PDE8B: variants seen among roughly 807,000 people sequenced by gnomAD.
The protein encoded by PDE8B is high affinity cAMP-specific and IBMX-insensitive 3',5'-cyclic phosphodiesterase 8B.
A neutral mutation model predicts 101.3 loss-of-function variants in PDE8B; 26 were observed. The observed-to-expected ratio is 0.26, with a 90% CI of 0.19 to 0.36. The LOEUF is 0.36. Among genes scored for constraint, PDE8B ranks in the 10% least tolerant of loss-of-function variants. PDE8B has a pLI of 1.00. For synonymous variants in PDE8B, 424 were observed against 429.3 expected, an observed-to-expected ratio of 0.99 and a Z score of 0.15; for missense variants, 810 against 1,163.1, an observed-to-expected ratio of 0.70 and a Z score of 4.42.
intron 7 of PDE8B, 103 bp from the exon 8 acceptor site, chr5:77,349,316 A>G (rs564081127): frequency 6.8e-7 from 1 of 1,479,688 alleles, no homozygotes; most frequent in Non-Finnish European, 9.4e-7. Context: ...TTCTTGCTTG[A>G]TATTCCTCTG....
At chr5:77,240,912 G>A (rs1449702594) in intron 1 of PDE8B, among the ~76,000 whole-genome samples, 1 of 152,220 alleles carries the variant, frequency 6.6e-6, no homozygotes, top group Non-Finnish European at 1.5e-5. Context: ...TTGCAACTAA[G>A]CAGCGTTTTC....
chr5:77,127,044 G>C, the PDE8B span, among the ~76,000 whole-genome samples: 1 of 152,110 alleles, frequency 6.6e-6, no homozygotes, highest in Non-Finnish European at 1.5e-5. Flanking sequence ...GGTGCTCCCA[G>C]GTCAATAAAT....
Position 77,411,692 on chromosome 5 carries a change from T to G in PDE8B, c.1547T>G (p.Leu516Arg), listed in dbSNP as rs767195927. The G allele has an allele frequency of 6.8e-6, 11 of 1,612,184 alleles. No individual in the cohort carries two copies. The South Asian group carries it at 8.8e-5, about 13-fold the overall frequency. ...TTATTCCAGGACGGCTTGAGAAGAC[T>G]GTCAGGAAACGAGTATGTGTTTACT... ...GGLMTDGLRR[L>R]SGNEYVFTKN... The change falls in exon 15 of 22, where the codon CTG (leucine) becomes CGG (arginine). Residue 516 changes from leucine (L) to arginine (R), a missense_variant. Leu to Arg is a moderately radical substitution (Grantham distance 102). Coordinates refer to ENST00000264917, the MANE Select transcript of PDE8B (RefSeq NM_003719.5).
chr5:77,197,730 C>T, the PDE8B span, among the ~76,000 whole-genome samples: 1 of 152,034 alleles, frequency 6.6e-6, no homozygotes, highest in Non-Finnish European at 1.5e-5. Context: ...AATTAATTAG[C>T]ATGTCTTTGA....
chr5:77,309,941 A>ACCTTTTTTTTTTTTTTTTTTTTTTT (rs772985826), intron 1 of PDE8B, among the ~76,000 whole-genome samples: 1 of 83,116 alleles, frequency 1.2e-5, no homozygotes. Context: ...TTAATCATTA[A>ACCTTTTTTTTTTTTTTTTTTTTTTT]TCTTTTTTTT....
chr5:77,102,408 A>T, the PDE8B span, among the ~76,000 whole-genome samples: 13 of 152,180 alleles, frequency 8.5e-5, no homozygotes, highest in Non-Finnish European at 7.3e-5. Context: ...ACAGCCTCCA[A>T]TTTAGTTTGG....
At chr5:77,348,818 G>C (rs979261607) in intron 7 of PDE8B, among the ~76,000 whole-genome samples, 1 of 152,092 alleles carries the variant, frequency 6.6e-6, no homozygotes, top group African/African-American at 2.4e-5. Context: ...GAATAGCAGG[G>C]ACTACAGGTG....
chr5:77,294,339 C>T (rs947257314), intron 1 of PDE8B, among the ~76,000 whole-genome samples: 11 of 152,314 alleles, frequency 7.2e-5, no homozygotes, highest in African/African-American at 2.4e-4. Flanking sequence ...CCAGAAACTT[C>T]TCTCAACACT....
At chr5:77,179,681 T>A in the PDE8B span, among the ~76,000 whole-genome samples, 1 of 152,186 alleles carries the variant, frequency 6.6e-6, no homozygotes, top group Non-Finnish European at 1.5e-5. Flanking sequence ...GTTTGACTCA[T>A]GTTTGTAAAT....
intron 1 of PDE8B, among the ~76,000 whole-genome samples, chr5:77,294,179 G>GCAT (rs1211630977): frequency 1.3e-5 from 2 of 152,156 alleles, no homozygotes; most frequent in African/African-American, 4.8e-5. Context: ...TCCATAAGCA[G>GCAT]CATCTTTCAT....
At chr5:77,138,793 T>C in the PDE8B span, among the ~76,000 whole-genome samples, 124 of 152,318 alleles carry the variant, frequency 8.1e-4, no homozygotes, top group Non-Finnish European at 1.4e-3. Context: ...TATGTAAAGA[T>C]ACAGATAAGT....
intron 5 of PDE8B, among the ~76,000 whole-genome samples, chr5:77,334,542 T>G (rs1195732005): frequency 6.6e-6 from 1 of 152,246 alleles, no homozygotes; most frequent in Non-Finnish European, 1.5e-5. Context: ...GGGGCACAAC[T>G]GTAGGACACA....
the PDE8B span, among the ~76,000 whole-genome samples, chr5:77,153,102 G>C: frequency 9.5e-3 from 1,445 of 152,278 alleles, 14 homozygotes; most frequent in Non-Finnish European, 0.016. Flanking sequence ...GTGGAGGCCA[G>C]GGATGCTGCT....
chr5:77,196,656 C>A, the PDE8B span, among the ~76,000 whole-genome samples: 1 of 151,972 alleles, frequency 6.6e-6, no homozygotes, highest in Non-Finnish European at 1.5e-5. Flanking sequence ...TCCTTTTTTG[C>A]AAAATCTTTT....
chr5:77,374,349 G>A (rs1472479287), intron 10 of PDE8B, among the ~76,000 whole-genome samples: 1 of 151,916 alleles, frequency 6.6e-6, no homozygotes, highest in East Asian at 1.9e-4. Flanking sequence ...GGAATGTTTA[G>A]TCCACTAACA....
chr5:77,114,729 A>G, the PDE8B span: 1 of 152,254 alleles, frequency 6.6e-6, no homozygotes, highest in African/African-American at 2.4e-5. Context: ...ATAAAATCCA[A>G]TTGAAATTAA....
chr5:77,146,875 G>A, the PDE8B span: 2 of 355,542 alleles, frequency 5.6e-6, no homozygotes, highest in Non-Finnish European at 1.1e-5. Context: ...TTCTTTGGCT[G>A]TTTTCTTGTT....
At chr5:77,388,413 C>A (rs1180973951) in intron 10 of PDE8B, among the ~76,000 whole-genome samples, 1 of 152,210 alleles carries the variant, frequency 6.6e-6, no homozygotes, top group Non-Finnish European at 1.5e-5. Flanking sequence ...TGCAGAACAG[C>A]AAAGATTGCT....
chr5:77,369,337 A>G (rs1430083318), intron 10 of PDE8B, among the ~76,000 whole-genome samples: 1 of 152,018 alleles, frequency 6.6e-6, no homozygotes, highest in African/African-American at 2.4e-5. Flanking sequence ...CCACCTGAGT[A>G]GCAGGGCATT....
Sources: gnomAD v4.1 joint callset for allele counts (sites outside exome capture counted in the v4.1 genomes callset) on GRCh38, gnomAD v4.1.1 for gene constraint, MANE v1.5 for transcripts, NCBI Gene and HGNC (gene_info 2026-07-23, HGNC 2026-07-21) for gene names.